KIF3C: variants seen among roughly 807,000 people sequenced by gnomAD.
The protein encoded by KIF3C is kinesin family member 3C.
In KIF3C, 12 loss-of-function variants were observed where a neutral mutation model predicts 67.7. The ratio of observed to expected loss-of-function variants is 0.18; its 90% CI spans 0.11 to 0.29. KIF3C has a LOEUF of 0.29. Among genes scored for constraint, KIF3C ranks in the 10% least tolerant of loss-of-function variants. The pLI, the probability that KIF3C is intolerant of heterozygous loss-of-function variation, is 1.00. For synonymous variants in KIF3C, 393 were observed against 426.2 expected, an observed-to-expected ratio of 0.92 and a Z score of 0.96; for missense variants, 789 against 1,059.6, an observed-to-expected ratio of 0.74 and a Z score of 3.55.
intron 5 of KIF3C, among the ~76,000 whole-genome samples, chr2:25,939,602 C>T (rs1380701797): frequency 5.9e-5 from 9 of 152,162 alleles, no homozygotes; most frequent in Non-Finnish European, 1.5e-5. Context: ...TGTGACAAAA[C>T]CAGTTTAACT....
In KIF3C at chr2:25,981,494, G is replaced by A. The variant is rs754498882; in HGVS notation, c.424C>T (p.Arg142Trp). ...TGGTAGATCTCCAAATAGGAGGCCCGGACCAGGTACTGTTGGTTCTGGGAG... is the reference window on the plus strand; with the variant it reads ...TGGTAGATCTCCAAATAGGAGGCCCAGACCAGGTACTGTTGGTTCTGGGAG... ...SRSQNQQYLVRASYLEIYQEE... is the reference protein window; with the variant it reads ...SRSQNQQYLVWASYLEIYQEE... Residue 142 changes from arginine to tryptophan, a missense_variant, in exon 1 of 8, where the codon CGG becomes TGG. Around this residue, in one of 2 missense-constraint regions of KIF3C, gnomAD observed 141 missense variants for 251.8 expected, o/e 0.56. Transcript: ENST00000264712. This position sits in a 1 kb window ranked among gnomAD's most constrained non-coding sequence, Gnocchi z 8.2. The A allele has an allele frequency of 2.5e-6, 4 of 1,613,846 alleles. No individual in the cohort carries two copies. The highest frequency in any genetic ancestry group is 3.3e-5 in the Admixed American group (2 of 59,988).
chr2:25,950,049 C>A (rs1663554464), intron 5 of KIF3C, among the ~76,000 whole-genome samples: 1 of 151,390 alleles, frequency 6.6e-6, no homozygotes, highest in Admixed American at 6.6e-5. Context: ...TGCCACCACA[C>A]CCGGCTAATT....
chr2:25,927,901 A>G lies in KIF3C; in HGVS notation c.*1077T>C, dbSNP rs2090425461. The G allele has an allele frequency of 6.6e-6, 1 of 152,630 alleles. No homozygotes were observed. The highest frequency in any genetic ancestry group is 2.1e-4 in the South Asian group (1 of 4,828). 9.5% of individuals were successfully genotyped at this position (152,630 alleles called of 1,614,324 possible). On this transcript the variant is annotated 3_prime_UTR_variant, in exon 8 of 8. Coordinates refer to ENST00000264712, the MANE Select transcript of KIF3C (RefSeq NM_002254.8). The stretch of plus-strand genomic sequence containing the variant: ...TGCGTAACTAGTGAATAAAGGATCT[A>G]TTTTCAACAAAATAATACCTTAAAG...
In KIF3C at chr2:25,962,817, T is replaced by A. The variant is rs1263300319; in HGVS notation, c.1546-6373A>T. ...TATATTATATAATATATAATATATA[T>A]AATATATAAAATATATAAAATATAT... On this transcript the variant is annotated intron_variant, in intron 1 of 7. Transcript: ENST00000264712. Among the ~76,000 whole-genome samples, 11 of 79,728 alleles carry A rather than the reference T, an allele frequency of 1.4e-4. 1 individual carries two copies. The highest frequency in any genetic ancestry group is 1.8e-4 in the Non-Finnish European group (8 of 45,584). 52.3% of individuals were successfully genotyped at this position (79,728 alleles called of 152,430 possible). A position where few individuals can be genotyped will look rare whatever the true frequency, so the allele number is the denominator to read the frequency against.
chr2:25,932,495 G>T (rs751706082), intron 5 of KIF3C, among the ~76,000 whole-genome samples: 3 of 151,884 alleles, frequency 2.0e-5, no homozygotes, highest in African/African-American at 4.8e-5. Flanking sequence ...GGCTTGAAAT[G>T]AAAAGGAACA....
intron 1 of KIF3C, among the ~76,000 whole-genome samples, chr2:25,978,905 C>T (rs1432450536): frequency 6.6e-6 from 1 of 152,118 alleles, no homozygotes; most frequent in Non-Finnish European, 1.5e-5. Flanking sequence ...GGCCCCTGAT[C>T]CTTTCCTTGA....
At chr2:25,979,668 C>T (rs960293002) in intron 1 of KIF3C, among the ~76,000 whole-genome samples, 1 of 152,146 alleles carries the variant, frequency 6.6e-6, no homozygotes, top group African/African-American at 2.4e-5. Flanking sequence ...AGCAATGGCT[C>T]CTGCACTGTA....
At chr2:25,965,586 C>T (rs1161513846) in intron 1 of KIF3C, among the ~76,000 whole-genome samples, 1 of 151,618 alleles carries the variant, frequency 6.6e-6, no homozygotes, top group Non-Finnish European at 1.5e-5. Context: ...ACCTAAGCCT[C>T]CCAAATAGCC....
In KIF3C at chr2:25,954,259, G is replaced by C; in HGVS notation, c.1889+8C>G. On this transcript the variant is annotated splice_region_variant and intron_variant, in intron 4 of 7. Coordinates refer to ENST00000264712, the MANE Select transcript of KIF3C (RefSeq NM_002254.8). ...GGGACCCGGGATGAAAAGAGCTGCG[G>C]GCCCTACTTGAGCTTGAGTTCGCGG... The C allele has an allele frequency of 6.2e-7, 1 of 1,604,436 alleles. No individual in the cohort carries two copies. Among genetic ancestry groups the C allele is most frequent in the Admixed American group, 1.7e-5 (1 of 60,000 alleles).
chr2:25,930,140 C>G, intron 5 of KIF3C, 77 bp from the exon 6 acceptor site: 1 of 1,159,636 alleles, frequency 8.6e-7, no homozygotes, highest in Non-Finnish European at 1.3e-6. Context: ...ACCTAAATAT[C>G]ATTCAGGTAG....
intron 1 of KIF3C, among the ~76,000 whole-genome samples, chr2:25,977,363 C>A (rs1360418652): frequency 6.6e-6 from 1 of 152,072 alleles, no homozygotes; most frequent in African/African-American, 2.4e-5. Context: ...GTGGCATGAA[C>A]TGGAAGAAGG....
intron 1 of KIF3C, among the ~76,000 whole-genome samples, chr2:25,962,796 TTATATAATATATAA>T (rs1161469831): frequency 5.1e-5 from 4 of 78,738 alleles, no homozygotes; most frequent in African/African-American, 1.2e-4. Flanking sequence ...ATAATATATA[TTATATAATATATAA>T]TATATATAAT....
chr2:25,982,371 C>A lies in KIF3C; in HGVS notation c.-454G>T. 2.5e-6 allele frequency: 1 copy of A among 399,036 alleles called. No homozygotes were observed. 24.7% of individuals were successfully genotyped at this position (399,036 alleles called of 1,614,324 possible). On this transcript the variant is annotated 5_prime_UTR_variant, in exon 1 of 8. Coordinates refer to ENST00000264712, the MANE Select transcript of KIF3C (RefSeq NM_002254.8). The stretch of plus-strand genomic sequence containing the variant: ...GGGCGGCCGGGGGTCCCGGGCCTCC[C>A]GAGGGCAGAGGCTCACCTGGAGTCC...
intron 1 of KIF3C, among the ~76,000 whole-genome samples, chr2:25,962,721 T>A (rs1663980103): frequency 7.8e-6 from 1 of 128,412 alleles, no homozygotes; most frequent in South Asian, 2.2e-4. Flanking sequence ...AGCTTATGTC[T>A]TGCTATTTCC....
intron 1 of KIF3C, among the ~76,000 whole-genome samples, chr2:25,976,137 C>A (rs776273638): frequency 2.0e-5 from 3 of 152,090 alleles, no homozygotes; most frequent in Non-Finnish European, 4.4e-5. Flanking sequence ...TATGGTTAAT[C>A]CCCCTGCTGA....
chr2:25,930,121 A>G, intron 5 of KIF3C, 58 bp from the exon 6 acceptor site: 1 of 1,356,548 alleles, frequency 7.4e-7, no homozygotes, highest in South Asian at 1.2e-5. Flanking sequence ...AGCAAATGAC[A>G]TCATGAGGAC....
intron 5 of KIF3C, among the ~76,000 whole-genome samples, chr2:25,948,658 GA>G (rs900500403): frequency 3.8e-4 from 53 of 138,110 alleles, no homozygotes; most frequent in Middle Eastern, 3.7e-3. Flanking sequence ...GAGAGAAAGA[GA>G]AAGAGAGAAA....
intron 1 of KIF3C, among the ~76,000 whole-genome samples, chr2:25,959,030 C>T (rs924566042): frequency 2.0e-5 from 3 of 152,120 alleles, no homozygotes; most frequent in Non-Finnish European, 4.4e-5. Context: ...GCCGAGATCA[C>T]GCCATTGTAC....
chr2:25,956,900 T>C (rs1574489214), intron 1 of KIF3C, among the ~76,000 whole-genome samples: 1 of 151,914 alleles, frequency 6.6e-6, no homozygotes, highest in South Asian at 2.1e-4. Context: ...CAGGAAAGGG[T>C]CTAAATCTTC....
Sources: gnomAD v4.1 joint callset for allele counts (sites outside exome capture counted in the v4.1 genomes callset) on GRCh38, gnomAD v4.1.1 for gene constraint, gnomAD v4.1.1 regional missense constraint, Gnocchi (gnomAD v3.1) non-coding constraint, MANE v1.5 for transcripts, NCBI Gene and HGNC (gene_info 2026-07-23, HGNC 2026-07-21) for gene names.